Variants in NR3C2 observed in about 807,000 individuals in gnomAD.
The protein encoded by NR3C2 is mineralocorticoid receptor.
Under a neutral mutation model 86.4 loss-of-function variants are expected in NR3C2, and 15 were observed. The observed-to-expected ratio is 0.17, with a 90% CI of 0.12 to 0.27. NR3C2 has a LOEUF of 0.27. NR3C2 is among the 10% of genes least tolerant of loss of function. The pLI, the probability that NR3C2 is intolerant of heterozygous loss-of-function variation, is 1.00. For missense variants in NR3C2, 960 were observed against 1,195.6 expected, an observed-to-expected ratio of 0.80 and a Z score of 2.91; for synonymous variants, 458 against 450.5, an observed-to-expected ratio of 1.02 and a Z score of -0.21.
intron 2 of NR3C2, among the ~76,000 whole-genome samples, chr4:148,417,702 A>C (rs538623444): frequency 6.6e-6 from 1 of 152,334 alleles, no homozygotes; most frequent in East Asian, 1.9e-4. Flanking sequence ...AAAAACTCTC[A>C]TGGGCCTTTT....
intron 2 of NR3C2, among the ~76,000 whole-genome samples, chr4:148,383,901 T>C (rs1431828076): frequency 1.4e-5 from 2 of 144,112 alleles, no homozygotes; most frequent in African/African-American, 5.3e-5. Context: ...TGAGCTGAGA[T>C]GGTGCCACTG....
intron 2 of NR3C2, among the ~76,000 whole-genome samples, chr4:148,427,641 A>AG (rs34152264): frequency 3.3e-5 from 5 of 152,012 alleles, no homozygotes; most frequent in African/African-American, 4.8e-5. Flanking sequence ...AGCCATAGAA[A>AG]GGGGGGGTGT....
At chr4:148,363,093 G>A (rs1402280259) in intron 2 of NR3C2, among the ~76,000 whole-genome samples, 1 of 152,162 alleles carries the variant, frequency 6.6e-6, no homozygotes, top group African/African-American at 2.4e-5. Context: ...AAGTGGAGAG[G>A]ACACTGCTTT....
At chr4:148,427,934 A>G (rs1463555621) in intron 2 of NR3C2, among the ~76,000 whole-genome samples, 1 of 152,210 alleles carries the variant, frequency 6.6e-6, no homozygotes, top group Non-Finnish European at 1.5e-5. Context: ...ACAAAAAACA[A>G]TGACGCCATG....
intron 2 of NR3C2, among the ~76,000 whole-genome samples, chr4:148,359,820 A>C (rs1037237552): frequency 6.6e-6 from 1 of 152,188 alleles, no homozygotes; most frequent in African/African-American, 2.4e-5. Flanking sequence ...TATAAACCTT[A>C]AGAATGGCAA....
At chr4:148,103,763 G>A (rs1420663259) in intron 8 of NR3C2, among the ~76,000 whole-genome samples, 1 of 152,070 alleles carries the variant, frequency 6.6e-6, no homozygotes, top group Non-Finnish European at 1.5e-5. Flanking sequence ...ACCGAAGAAG[G>A]AACACATAAG....
intron 8 of NR3C2, among the ~76,000 whole-genome samples, chr4:148,098,627 C>A (rs1235245063): frequency 1.3e-5 from 2 of 152,160 alleles, no homozygotes; most frequent in East Asian, 3.8e-4. Flanking sequence ...TCTGGGAATG[C>A]CTGCAAAAGT....
chr4:148,341,334 T>A (rs1442924007), intron 2 of NR3C2, among the ~76,000 whole-genome samples: 1 of 152,128 alleles, frequency 6.6e-6, no homozygotes, highest in Non-Finnish European at 1.5e-5. Context: ...GGGCATTATA[T>A]TAAGTGAAAT....
chr4:148,351,888 C>G (rs1468336970), intron 2 of NR3C2, among the ~76,000 whole-genome samples: 2 of 152,116 alleles, frequency 1.3e-5, no homozygotes, highest in African/African-American at 4.8e-5. Context: ...GCAGTCCCCC[C>G]ATTCTGTTCT....
chr4:148,281,305 C>T (rs543983630), intron 2 of NR3C2, among the ~76,000 whole-genome samples: 6 of 152,138 alleles, frequency 3.9e-5, no homozygotes, highest in African/African-American at 9.7e-5. Flanking sequence ...CAGGGAAAAC[C>T]GTTTAAACTG....
chr4:148,250,271 A>C (rs778986785), intron 3 of NR3C2, among the ~76,000 whole-genome samples: 8 of 152,212 alleles, frequency 5.3e-5, no homozygotes, highest in Non-Finnish European at 1.2e-4. Context: ...AAAATATTAC[A>C]TGAAAAAACC....
intron 2 of NR3C2, among the ~76,000 whole-genome samples, chr4:148,307,993 A>G (rs1327503490): frequency 6.6e-6 from 1 of 152,148 alleles, no homozygotes; most frequent in African/African-American, 2.4e-5. Flanking sequence ...CTGAGCAGAG[A>G]TGGTGGAGAA....
chr4:148,162,582 T>A (rs1409526241), intron 4 of NR3C2, among the ~76,000 whole-genome samples: 1 of 152,170 alleles, frequency 6.6e-6, no homozygotes, highest in Non-Finnish European at 1.5e-5. Flanking sequence ...GGTAATCATC[T>A]CTGGGCAATG....
chr4:148,162,797 T>A (rs1300030006), intron 4 of NR3C2, among the ~76,000 whole-genome samples: 1 of 152,166 alleles, frequency 6.6e-6, no homozygotes, highest in Admixed American at 6.5e-5. Flanking sequence ...GGACAGTGGA[T>A]TGATTACGCC....
intron 2 of NR3C2, among the ~76,000 whole-genome samples, chr4:148,369,718 G>A (rs1274938908): frequency 6.6e-6 from 1 of 152,152 alleles, no homozygotes; most frequent in African/African-American, 2.4e-5. Flanking sequence ...CCCATATCCA[G>A]AGACATCTAT....
intron 6 of NR3C2, among the ~76,000 whole-genome samples, chr4:148,133,446 T>C (rs1733127522): frequency 6.6e-6 from 1 of 152,122 alleles, no homozygotes; most frequent in Admixed American, 6.5e-5. Context: ...ACTTATAAAA[T>C]GGGGCTGCAA....
chr4:148,094,414 T>C (rs996240648), intron 8 of NR3C2, among the ~76,000 whole-genome samples: 2 of 152,170 alleles, frequency 1.3e-5, no homozygotes, highest in African/African-American at 4.8e-5. Flanking sequence ...CAAATAGATA[T>C]TTGTACATAA....
intron 2 of NR3C2, among the ~76,000 whole-genome samples, chr4:148,281,229 G>T (rs1202762459): frequency 1.3e-5 from 2 of 152,210 alleles, no homozygotes; most frequent in Non-Finnish European, 2.9e-5. Flanking sequence ...AAAAGCGGGT[G>T]AAAGATAAGA....
At chr4:148,174,167 G>A (rs949861577) in intron 4 of NR3C2, among the ~76,000 whole-genome samples, 8 of 152,200 alleles carry the variant, frequency 5.3e-5, no homozygotes, top group Admixed American at 5.2e-4. Flanking sequence ...GCCTGCCTGG[G>A]AATGGGACAG....
Sources: allele counts gnomAD v4.1 joint callset (sites outside exome capture counted in the v4.1 genomes callset), GRCh38; gene constraint gnomAD v4.1.1; transcripts MANE v1.5; gene names NCBI Gene and HGNC (gene_info 2026-07-23, HGNC 2026-07-21).